The following CMTM8 variants were observed in gnomAD, a reference collection of about 807,000 sequenced individuals.
The protein encoded by CMTM8 is CKLF-like MARVEL transmembrane domain-containing protein 8.
Under a neutral mutation model 18.6 loss-of-function variants are expected in CMTM8, and 12 were observed. The ratio of observed to expected loss-of-function variants is 0.65; its 90% CI spans 0.41 to 1.05. The LOEUF (loss-of-function observed/expected upper bound fraction) is 1.05. Among genes scored for constraint, CMTM8 ranks in the 50% least tolerant of loss-of-function variants. The pLI is 0.00. For missense variants in CMTM8, 217 were observed against 227.2 expected (o/e 0.95, Z 0.29); for synonymous variants, 87 against 90.6 (o/e 0.96, Z 0.23).
chr3:32,246,265 A>C (rs1021994874), intron 1 of CMTM8, among the ~76,000 whole-genome samples: 1 of 152,078 alleles, frequency 6.6e-6, no homozygotes, highest in Non-Finnish European at 1.5e-5. Flanking sequence ...CTGATGTCCC[A>C]CTGGCCGCAT....
intron 1 of CMTM8, among the ~76,000 whole-genome samples, chr3:32,313,333 A>AG (rs1199533226): frequency 3.3e-5 from 5 of 152,104 alleles, no homozygotes; most frequent in Non-Finnish European, 7.4e-5. Context: ...TATTTGCAGC[A>AG]GGGGGGAGCC....
At chr3:32,349,315 CA>C (rs1696659259) in intron 1 of CMTM8, among the ~76,000 whole-genome samples, 1 of 151,974 alleles carries the variant, frequency 6.6e-6, no homozygotes, top group South Asian at 2.1e-4. Flanking sequence ...GGGGAATCCC[CA>C]AAGTCAGTAT....
intron 3 of CMTM8, among the ~76,000 whole-genome samples, chr3:32,369,309 C>T (rs760109752): frequency 2.0e-5 from 3 of 152,040 alleles, no homozygotes; most frequent in East Asian, 1.9e-4. Context: ...AGCGAAACTC[C>T]GTCTCGAAAA....
chr3:32,315,962 A>T (rs1382056183), intron 1 of CMTM8, among the ~76,000 whole-genome samples: 2 of 149,600 alleles, frequency 1.3e-5, no homozygotes, highest in East Asian at 2.0e-4. Flanking sequence ...CTGGAAAGTT[A>T]TAAAAGAAAA....
chr3:32,332,036 GCGCACA>G (rs777147102), intron 1 of CMTM8, among the ~76,000 whole-genome samples: 7 of 150,948 alleles, frequency 4.6e-5, no homozygotes, highest in Admixed American at 2.0e-4. Flanking sequence ...TTGACCACAC[GCGCACA>G]CACACACACA....
At chr3:32,365,293 C>T (rs1349712703) in intron 2 of CMTM8, among the ~76,000 whole-genome samples, 6 of 143,972 alleles carry the variant, frequency 4.2e-5, no homozygotes, top group African/African-American at 1.0e-4. Context: ...AAAAATAAGC[C>T]GGTATTTGAG....
chr3:32,297,528 G>A (rs1475235456), intron 1 of CMTM8, among the ~76,000 whole-genome samples: 1 of 149,372 alleles, frequency 6.7e-6, no homozygotes, highest in Non-Finnish European at 1.5e-5. Context: ...ACCAACATTT[G>A]TGACTAAAGC....
chr3:32,261,809 T>C (rs1245393446), intron 1 of CMTM8, among the ~76,000 whole-genome samples: 1 of 152,210 alleles, frequency 6.6e-6, no homozygotes, highest in Non-Finnish European at 1.5e-5. Context: ...TGCCATCCGA[T>C]TGCTTGTCCA....
At chr3:32,304,961 T>C (rs59354782) in intron 1 of CMTM8, among the ~76,000 whole-genome samples, 3,250 of 152,314 alleles carry the variant, frequency 0.021, 112 homozygotes, top group African/African-American at 0.073. Flanking sequence ...TCTTTCCCCA[T>C]AGGGTAGTGA....
At chr3:32,329,055 T>C (rs949283268) in intron 1 of CMTM8, among the ~76,000 whole-genome samples, 4 of 152,046 alleles carry the variant, frequency 2.6e-5, no homozygotes, top group African/African-American at 4.8e-5. Flanking sequence ...TACAAACCAA[T>C]ATCAATATTG....
At chr3:32,348,529 C>CTTTTTTTTTTTTTTTTTTT (rs56252781) in intron 1 of CMTM8, among the ~76,000 whole-genome samples, 1,231 of 101,950 alleles carry the variant, frequency 0.012, 111 homozygotes, top group Non-Finnish European at 0.018. Flanking sequence ...CTTCCTGGAA[C>CTTTTTTTTTTTTTTTTTTT]TTTTTTTTTT....
chr3:32,282,040 A>G lies in CMTM8; in HGVS notation c.147+42921A>G, dbSNP rs182591065. On this transcript the variant is annotated intron_variant, in intron 1 of 3. Coordinates refer to ENST00000307526, the MANE Select transcript of CMTM8 (RefSeq NM_178868.5). ...AATCATGGCTTTCAACTCTCTCTATAGGTCCTCATTTCTAGCCCCAGCCTA... is the reference window on the plus strand; with the variant it reads ...AATCATGGCTTTCAACTCTCTCTATGGGTCCTCATTTCTAGCCCCAGCCTA... Among the ~76,000 whole-genome samples the G allele has an allele frequency of 2.7e-3, 418 of 152,188 alleles. 3 individuals are homozygous for G. Among genetic ancestry groups the G allele is most frequent in the African/African-American group, 9.8e-3 (406 of 41,514 alleles).
chr3:32,304,860 T>G (rs1695691433), intron 1 of CMTM8, among the ~76,000 whole-genome samples: 1 of 152,252 alleles, frequency 6.6e-6, no homozygotes, highest in South Asian at 2.1e-4. Flanking sequence ...AGGAGACAGA[T>G]TTAAACTTTG....
intron 1 of CMTM8, among the ~76,000 whole-genome samples, chr3:32,322,942 C>A (rs1696085539): frequency 6.6e-6 from 1 of 152,136 alleles, no homozygotes; most frequent in African/African-American, 2.4e-5. Flanking sequence ...CGTTTTATGG[C>A]TTGGGCGGGG....
intron 1 of CMTM8, among the ~76,000 whole-genome samples, chr3:32,251,653 T>G (rs79249531): frequency 2.6e-5 from 4 of 152,184 alleles, no homozygotes; most frequent in African/African-American, 9.7e-5. Flanking sequence ...CCACTTTTTT[T>G]GTCAGAAATT....
chr3:32,316,601 G>T (rs1030292001), intron 1 of CMTM8, among the ~76,000 whole-genome samples: 4 of 152,166 alleles, frequency 2.6e-5, no homozygotes, highest in South Asian at 2.1e-4. Context: ...TGAATCAATT[G>T]TTGAGCTCTA....
intron 1 of CMTM8, among the ~76,000 whole-genome samples, chr3:32,241,223 A>G (rs1701943186): frequency 6.6e-6 from 1 of 152,176 alleles, no homozygotes; most frequent in Non-Finnish European, 1.5e-5. Context: ...AGTCATAGAC[A>G]TTATCCATTG....
intron 1 of CMTM8, among the ~76,000 whole-genome samples, chr3:32,265,657 A>G (rs1428420021): frequency 1.3e-5 from 2 of 152,110 alleles, no homozygotes; most frequent in Non-Finnish European, 2.9e-5. Flanking sequence ...AAATCAATGA[A>G]TCCAGGAGCT....
chr3:32,281,327 C>T (rs749988424), intron 1 of CMTM8, among the ~76,000 whole-genome samples: 8 of 152,098 alleles, frequency 5.3e-5, no homozygotes, highest in Non-Finnish European at 5.9e-5. Context: ...TCTCTTGGAA[C>T]GTTTTGATTA....
Sources: allele counts gnomAD v4.1 joint callset (sites outside exome capture counted in the v4.1 genomes callset), GRCh38; gene constraint gnomAD v4.1.1; transcripts MANE v1.5; gene names NCBI Gene and HGNC (gene_info 2026-07-23, HGNC 2026-07-21).